Variants in IDE observed in about 807,000 individuals in gnomAD.
The protein encoded by IDE is insulin-degrading enzyme.
A neutral mutation model predicts 133.2 loss-of-function variants in IDE; 58 were observed. That is an observed-to-expected ratio of 0.44 (90% CI 0.35 to 0.54). The LOEUF (loss-of-function observed/expected upper bound fraction) is 0.54, where lower values mean the gene tolerates loss of function less well. Ranked by LOEUF, IDE falls within the 20% of genes least tolerant of loss-of-function variation. The pLI, the probability that IDE is intolerant of heterozygous loss-of-function variation, is 0.00. For missense variants in IDE, 981 were observed against 1,234.0 expected (o/e 0.79, Z 3.07); for synonymous variants, 396 against 421.3 (o/e 0.94, Z 0.73).
intron 1 of IDE, among the ~76,000 whole-genome samples, chr10:92,546,539 T>C (rs1842540637): frequency 6.6e-6 from 1 of 152,152 alleles, no homozygotes; most frequent in Non-Finnish European, 1.5e-5. Context: ...GGTGCTAAAC[T>C]AAGAAGGCTC....
rs1846164159 is a variant in IDE, at chr10:92,474,909, A to C, written c.2048T>G (p.Met683Arg). The change falls in exon 17 of 25, where the codon ATG becomes AGG. Residue 683 changes from methionine to arginine, a missense_variant. Met to Arg is a moderately conservative substitution (Grantham distance 91). Transcript: ENST00000265986. ...FRAEQPHQHAMYYLRLLMTEV... is the reference protein window; with the variant it reads ...FRAEQPHQHARYYLRLLMTEV... ...AGTCATCAGCAAGCGGAGGTAGTACATGGCATGCTGGTGAGGCTGTTCAGC... is the reference window on the plus strand; with the variant it reads ...AGTCATCAGCAAGCGGAGGTAGTACCTGGCATGCTGGTGAGGCTGTTCAGC... The C allele has an allele frequency of 6.2e-7, 1 of 1,612,952 alleles. No individual in the cohort carries two copies.
intron 1 of IDE, chr10:92,541,442 TTTTA>T (rs1308021180): frequency 2.3e-5 from 6 of 258,712 alleles, no homozygotes; most frequent in Non-Finnish European, 5.1e-5. Flanking sequence ...TCAAGAGTAA[TTTTA>T]TTTATGGCAA....
At chr10:92,497,560 T>C (rs1303650616) in intron 11 of IDE, 1 of 174,254 alleles carries the variant, frequency 5.7e-6, no homozygotes, top group Admixed American at 6.5e-5. Flanking sequence ...TAACAGGAGT[T>C]GGATTAAATG....
intron 1 of IDE, among the ~76,000 whole-genome samples, chr10:92,537,906 C>T (rs537895075): frequency 1.4e-4 from 22 of 152,072 alleles, no homozygotes; most frequent in Non-Finnish European, 2.5e-4. Context: ...AGTTTGTCAC[C>T]GAGGCTTGTA....
intron 1 of IDE, among the ~76,000 whole-genome samples, chr10:92,564,988 G>A (rs943701543): frequency 3.9e-5 from 6 of 151,980 alleles, no homozygotes; most frequent in African/African-American, 1.4e-4. Context: ...GCTCATGCCT[G>A]TAATCCCAGC....
intron 2 of IDE, 83 bp from the exon 3 acceptor site, chr10:92,534,868 C>A (rs1841911036): frequency 2.2e-6 from 2 of 906,344 alleles, no homozygotes; most frequent in Admixed American, 4.2e-5. Context: ...TTCTTGTTAG[C>A]ATGACAACTC....
intron 4 of IDE, among the ~76,000 whole-genome samples, chr10:92,519,142 C>T (rs1849079982): frequency 6.6e-6 from 1 of 152,106 alleles, no homozygotes; most frequent in South Asian, 2.1e-4. Flanking sequence ...GTAGGAAGGA[C>T]TCTTGGCTTC....
chr10:92,570,817 G>A (rs1843744939), intron 1 of IDE, among the ~76,000 whole-genome samples: 1 of 151,892 alleles, frequency 6.6e-6, no homozygotes, highest in Non-Finnish European at 1.5e-5. Flanking sequence ...TCAGGAGGCT[G>A]AGGTGGGAGG....
chr10:92,514,816 G>A (rs1226935034), intron 5 of IDE, 104 bp downstream of exon 5: 2 of 843,816 alleles, frequency 2.4e-6, no homozygotes, highest in Non-Finnish European at 3.6e-6. Context: ...AAGATGCTGA[G>A]CAAATAAGCA....
At chr10:92,527,606 C>T (rs546570252) in intron 4 of IDE, among the ~76,000 whole-genome samples, 1 of 152,276 alleles carries the variant, frequency 6.6e-6, no homozygotes, top group East Asian at 1.9e-4. Context: ...TCTTTTATAT[C>T]CATTACATAT....
At chr10:92,480,953 T>A (rs1237368798) in intron 14 of IDE, 1 of 926,590 alleles carries the variant, frequency 1.1e-6, no homozygotes, top group African/African-American at 1.8e-5. Context: ...AAATGTGTAG[T>A]CACTTAGAGA....
intron 4 of IDE, among the ~76,000 whole-genome samples, chr10:92,523,006 C>T (rs1308011433): frequency 1.3e-5 from 2 of 152,144 alleles, no homozygotes; most frequent in Non-Finnish European, 2.9e-5. Flanking sequence ...ACACTAGTTA[C>T]ACTTCTTTGC....
Position 92,545,979 on chromosome 10 carries a change from C to A in IDE, c.99-8429G>T, listed in dbSNP as rs147546342. On this transcript the variant is annotated intron_variant, in intron 1 of 24. Transcript: ENST00000265986. ...TTTATATGTTCATAGCAACACTATT[C>A]AAACTAGCCCAAACCAGAAATGATC... Among the ~76,000 whole-genome samples the A allele has an allele frequency of 1.1e-3, 166 of 152,288 alleles. No individual in the cohort carries two copies. The Middle Eastern group carries it at 0.02, about 19-fold the overall frequency.
chr10:92,508,323 A>G lies in IDE; in HGVS notation c.1061-118T>C, dbSNP rs1001092636. 20 of 796,444 alleles carry G rather than the reference A, an allele frequency of 2.5e-5. 1 individual carries two copies. The highest frequency in any genetic ancestry group is 4.7e-4 in the Middle Eastern group (2 of 4,274). The allele number at this position is 796,444 out of a possible 1,614,324, so 49.3% of individuals were successfully genotyped here. A position where few individuals can be genotyped will look rare whatever the true frequency, so the allele number is the denominator to read the frequency against. On this transcript the variant is annotated intron_variant, in intron 7 of 24. Transcript: ENST00000265986. ...AAGATATCAGAATGAACCTCTTGCGAAAAGATTGGGAAAAAAAAATCAGTT... is the reference window on the plus strand; with the variant it reads ...AAGATATCAGAATGAACCTCTTGCGGAAAGATTGGGAAAAAAAAATCAGTT...
chr10:92,548,840 C>T (rs1280348804), intron 1 of IDE, among the ~76,000 whole-genome samples: 1 of 152,184 alleles, frequency 6.6e-6, no homozygotes, highest in African/African-American at 2.4e-5. Context: ...TTCCCACTCA[C>T]CAACCCTCGC....
At chr10:92,503,775 A>AT (rs1848153339) in intron 11 of IDE, among the ~76,000 whole-genome samples, 1 of 151,300 alleles carries the variant, frequency 6.6e-6, no homozygotes, top group Non-Finnish European at 1.5e-5. Context: ...CTGGAGTGCA[A>AT]TGCCATGATC....
intron 4 of IDE, among the ~76,000 whole-genome samples, chr10:92,524,631 A>G (rs1016507635): frequency 2.8e-5 from 4 of 140,386 alleles, no homozygotes; most frequent in Non-Finnish European, 6.0e-5. Context: ...GGTTCAACAT[A>G]AACAAATCAG....
rs76729178 is a variant in IDE, at chr10:92,572,116, C to T, written c.98+1806G>A. ...TTAAAACTCTGGATGGTCGACCGGA[C>T]TTTATAACTACAGAGAAAATGTAAT... is the stretch of plus-strand genomic sequence containing the variant. On this transcript the variant is annotated intron_variant, in intron 1 of 24. Coordinates refer to ENST00000265986, the MANE Select transcript of IDE (RefSeq NM_004969.4). Among the ~76,000 whole-genome samples, 219 of 152,322 alleles carry T rather than the reference C, an allele frequency of 1.4e-3. 1 individual carries two copies. The highest frequency in any genetic ancestry group is 2.3e-3 in the Non-Finnish European group (159 of 68,038).
At chr10:92,458,898 C>G (rs1054831646) in intron 22 of IDE, among the ~76,000 whole-genome samples, 3 of 152,088 alleles carry the variant, frequency 2.0e-5, no homozygotes, top group African/African-American at 7.2e-5. Context: ...TCCCCAGCAG[C>G]TGGGACTACA....
Sources: gnomAD v4.1 joint callset for allele counts (sites outside exome capture counted in the v4.1 genomes callset) on GRCh38, gnomAD v4.1.1 for gene constraint, MANE v1.5 for transcripts, NCBI Gene and HGNC (gene_info 2026-07-23, HGNC 2026-07-21) for gene names.